AGAP1: variants seen among roughly 807,000 people sequenced by gnomAD.
AGAP1 encodes arf-GAP with GTPase, ANK repeat and PH domain-containing protein 1.
In AGAP1, 29 loss-of-function variants were observed where a neutral mutation model predicts 105.3. The ratio of observed to expected loss-of-function variants is 0.28; its 90% CI spans 0.21 to 0.38. The LOEUF (loss-of-function observed/expected upper bound fraction) is 0.38. Among genes scored for constraint, AGAP1 ranks in the 10% least tolerant of loss-of-function variants. The probability of loss-of-function intolerance (pLI) is 1.00; values close to 1 mark genes in which losing one functional copy is unlikely to be tolerated. For missense variants in AGAP1, 998 were observed against 1,165.1 expected (o/e 0.86, Z 2.09); for synonymous variants, 509 against 485.9 (o/e 1.05, Z -0.63).
At chr2:235,925,280 TA>T (rs1258959326) in intron 11 of AGAP1, among the ~76,000 whole-genome samples, 1 of 152,138 alleles carries the variant, frequency 6.6e-6, no homozygotes, top group African/African-American at 2.4e-5. Context: ...TCTAGGGAAA[TA>T]CAGACATGCC....
rs6737095 is a variant in AGAP1, at chr2:235,664,036, G to A, written c.164-45143G>A. The stretch of plus-strand genomic sequence containing the variant: ...CCGCATCCCTCCTGTCCCTGAGCTC[G>A]AAGGCTGAATGGTCGATGGGAGCTC... On this transcript the variant is annotated intron_variant, in intron 1 of 17. Transcript: ENST00000304032. This position sits in a 1 kb window ranked among gnomAD's most constrained non-coding sequence, Gnocchi z 5.7. Among the ~76,000 whole-genome samples the A allele has an allele frequency of 0.038, 5,827 of 152,204 alleles. 306 individuals are homozygous for A. The highest frequency in any genetic ancestry group is 0.11 in the African/African-American group (4,463 of 41,512).
rs2056212040 is a variant in AGAP1, at chr2:236,003,582, C to CA, written c.1646-32979_1646-32978insA. Among the ~76,000 whole-genome samples the CA allele has an allele frequency of 2.0e-5, 3 of 152,178 alleles. No individual in the cohort carries two copies. The highest frequency in any genetic ancestry group is 6.5e-5 in the Admixed American group (1 of 15,284). On this transcript the variant is annotated intron_variant, in intron 13 of 17. Transcript: ENST00000304032. The surrounding 1 kb of genome is among the most constrained non-coding windows in gnomAD (Gnocchi z 4.2). ...GCGCTGCTGCTGCCCGCATGGGGTA[C>CA]CCTTAAGTCCCACATCCAAGCTCCC...
At chr2:235,952,117 C>A (rs144018253) in intron 12 of AGAP1, among the ~76,000 whole-genome samples, 131 of 152,302 alleles carry the variant, frequency 8.6e-4, no homozygotes, top group African/African-American at 3.0e-3. Flanking sequence ...GTTTCAGCTT[C>A]CTTATTGACG....
intron 8 of AGAP1, among the ~76,000 whole-genome samples, chr2:235,802,833 G>T (rs1957579167): frequency 8.9e-6 from 1 of 112,800 alleles, no homozygotes; most frequent in East Asian, 3.0e-4. Context: ...TGGTTGTGAT[G>T]ATGGTTATGG....
intron 16 of AGAP1, among the ~76,000 whole-genome samples, chr2:236,094,000 T>TA (rs1206716511): frequency 6.6e-6 from 1 of 152,168 alleles, no homozygotes; most frequent in Non-Finnish European, 1.5e-5. Context: ...ACCCCAGGTG[T>TA]ACTAACAACA....
In AGAP1 at chr2:235,535,763, C is replaced by T. The variant is rs918683070; in HGVS notation, c.163+40914C>T. On this transcript the variant is annotated intron_variant, in intron 1 of 17. Coordinates refer to ENST00000304032, the MANE Select transcript of AGAP1 (RefSeq NM_001037131.3). The surrounding 1 kb of genome is among the most constrained non-coding windows in gnomAD (Gnocchi z 5.1). ...TGTATTTTCATGCCTAATAAGTGAG[C>T]GTGTGACATGCAGTGGGCTCAGTCT... Among the ~76,000 whole-genome samples, 11 of 152,028 alleles carry T rather than the reference C, an allele frequency of 7.2e-5. No homozygotes were observed. The highest frequency in any genetic ancestry group is 2.7e-4 in the African/African-American group (11 of 41,406).
chr2:235,782,562 GTTCT>G (rs1956331308), intron 6 of AGAP1, among the ~76,000 whole-genome samples: 1 of 151,228 alleles, frequency 6.6e-6, no homozygotes, highest in Non-Finnish European at 1.5e-5. Context: ...ACAGATCTGA[GTTCT>G]TTTTGTCTAT....
At chr2:236,025,952 T>C (rs1269794623) in intron 13 of AGAP1, among the ~76,000 whole-genome samples, 1 of 127,544 alleles carries the variant, frequency 7.8e-6, no homozygotes, top group Non-Finnish European at 1.7e-5. Flanking sequence ...GGATGTCTTA[T>C]GTAACGAACT....
rs1376565041 is a variant in AGAP1, at chr2:235,855,067, T to C, written c.1051-28278T>C. 1.3e-5 allele frequency among the ~76,000 whole-genome samples: 2 copies of C among 152,222 alleles called. No individual in the cohort carries two copies. Among genetic ancestry groups the C allele is most frequent in the Non-Finnish European group, 1.5e-5 (1 of 68,036 alleles). On this transcript the variant is annotated intron_variant, in intron 9 of 17. Transcript: ENST00000304032. The surrounding 1 kb of genome is among the most constrained non-coding windows in gnomAD (Gnocchi z 5.0). ...AGTTATTTTAAACTAGGGTGACTAA[T>C]GGACCCTTATTTCGTGAAGGAACAG...
chr2:235,759,324 A>T (rs550916067), intron 6 of AGAP1, among the ~76,000 whole-genome samples: 2 of 151,344 alleles, frequency 1.3e-5, no homozygotes, highest in Admixed American at 1.3e-4. Context: ...GCCTGCCACC[A>T]CGCCCGGCTA....
At chr2:235,694,005 TG>T (rs1473960670) in intron 1 of AGAP1, among the ~76,000 whole-genome samples, 1 of 152,200 alleles carries the variant, frequency 6.6e-6, no homozygotes, top group Non-Finnish European at 1.5e-5. Context: ...CATAGTTAAC[TG>T]TCCATTTATC....
chr2:235,919,709 AACACACAC>A lies in AGAP1; in HGVS notation c.1324+10812_1324+10819del, dbSNP rs374754076. Among the ~76,000 whole-genome samples the A allele has an allele frequency of 6.6e-6, 1 of 151,910 alleles. No homozygotes were observed. The highest frequency in any genetic ancestry group is 1.5e-5 in the Non-Finnish European group (1 of 67,966). On this transcript the variant is annotated intron_variant, in intron 11 of 17. Coordinates refer to ENST00000304032, the MANE Select transcript of AGAP1 (RefSeq NM_001037131.3). This position sits in a 1 kb window ranked among gnomAD's most constrained non-coding sequence, Gnocchi z 4.1. ...AAATGAAAATGAATTTCATGTTAAAAACACACACACACACACCTGTTGCATTTATCATA... is the reference window on the plus strand; with the variant it reads ...AAATGAAAATGAATTTCATGTTAAAAACACACACCTGTTGCATTTATCATA...
At position 235,824,356 on chromosome 2, in the gene AGAP1, A is replaced by G. The variant is rs752768233; in HGVS notation, c.1050+17025A>G. The stretch of plus-strand genomic sequence containing the variant: ...TTACTAGTTCTTTAAAATGTACTGT[A>G]CTCACTGTGGGTCTTGCAAATTGGT... On this transcript the variant is annotated intron_variant, in intron 9 of 17. Coordinates refer to ENST00000304032, the MANE Select transcript of AGAP1 (RefSeq NM_001037131.3). The surrounding 1 kb of genome is among the most constrained non-coding windows in gnomAD (Gnocchi z 5.2). 6.6e-6 allele frequency among the ~76,000 whole-genome samples: 1 copy of G among 152,202 alleles called. No individual in the cohort carries two copies. Among genetic ancestry groups the G allele is most frequent in the Non-Finnish European group, 1.5e-5 (1 of 68,042 alleles).
intron 16 of AGAP1, among the ~76,000 whole-genome samples, chr2:236,085,214 T>TTA (rs1279694594): frequency 1.2e-4 from 7 of 56,368 alleles, no homozygotes; most frequent in Non-Finnish European, 5.9e-5. Flanking sequence ...AGACTCCGTC[T>TTA]CAAAAAAAAA....
intron 1 of AGAP1, among the ~76,000 whole-genome samples, chr2:235,543,611 G>A (rs1055101712): frequency 6.6e-6 from 1 of 152,182 alleles, no homozygotes; most frequent in Non-Finnish European, 1.5e-5. Context: ...GAGCTGTGGC[G>A]CAGGTGCCTG....
At position 235,714,468 on chromosome 2, in the gene AGAP1, A is replaced by G. The variant is rs1423503240; in HGVS notation, c.223-3089A>G. 6.6e-6 allele frequency among the ~76,000 whole-genome samples: 1 copy of G among 151,932 alleles called. No homozygotes were observed. Among genetic ancestry groups the G allele is most frequent in the Non-Finnish European group, 1.5e-5 (1 of 67,982 alleles). On this transcript the variant is annotated intron_variant, in intron 2 of 17. Coordinates refer to ENST00000304032, the MANE Select transcript of AGAP1 (RefSeq NM_001037131.3). The surrounding 1 kb of genome is among the most constrained non-coding windows in gnomAD (Gnocchi z 4.1). Reference sequence around the variant, plus strand: ...GTTTCGGGGAATGATTGATATGGAAAGCTTTAGTTGCCTGGAGACAGCAAG... The same window carrying G: ...GTTTCGGGGAATGATTGATATGGAAGGCTTTAGTTGCCTGGAGACAGCAAG...
chr2:235,776,334 C>G (rs1344206783), intron 6 of AGAP1, among the ~76,000 whole-genome samples: 1 of 152,156 alleles, frequency 6.6e-6, no homozygotes, highest in Non-Finnish European at 1.5e-5. Flanking sequence ...GAAGTCCAGG[C>G]CTCCTCCTCA....
intron 12 of AGAP1, among the ~76,000 whole-genome samples, chr2:235,946,070 C>G (rs190459667): frequency 6.6e-6 from 1 of 150,852 alleles, no homozygotes; most frequent in East Asian, 1.9e-4. Context: ...CAGATCCAGG[C>G]GGAGACACAG....
intron 9 of AGAP1, among the ~76,000 whole-genome samples, chr2:235,820,208 C>T (rs1392384002): frequency 6.6e-6 from 1 of 152,176 alleles, no homozygotes; most frequent in Non-Finnish European, 1.5e-5. Context: ...GTCTTTTCTT[C>T]ACCAAAACAG....
Sources: gnomAD v4.1 joint callset for allele counts (sites outside exome capture counted in the v4.1 genomes callset) on GRCh38, gnomAD v4.1.1 for gene constraint, Gnocchi (gnomAD v3.1) non-coding constraint, MANE v1.5 for transcripts, NCBI Gene and HGNC (gene_info 2026-07-23, HGNC 2026-07-21) for gene names.